VSTM5: variants seen among roughly 807,000 people sequenced by gnomAD.
VSTM5 encodes the protein V-set and transmembrane domain-containing protein 5.
In VSTM5, 21 loss-of-function variants were observed where a neutral mutation model predicts 20.3. The observed-to-expected ratio is 1.03, with a 90% confidence interval of 0.73 to 1.49. VSTM5 has a LOEUF of 1.49. Among genes scored for constraint, VSTM5 ranks in the 40% most tolerant of loss-of-function variants. The pLI is 0.00. For missense variants in VSTM5, 219 were observed against 250.0 expected, an observed-to-expected ratio of 0.88 and a Z score of 0.84; for synonymous variants, 100 against 102.5, an observed-to-expected ratio of 0.98 and a Z score of 0.14.
At chr11:93,850,331 GCTGCTAGACCCCGGGGCC>G (rs1944448736) in intron 1 of VSTM5, 63 bp downstream of exon 1, 1 of 1,278,542 alleles carries the variant, frequency 7.8e-7, no homozygotes, top group African/African-American at 1.6e-5. Flanking sequence ...CAGGGGGGCC[GCTGCTAGACCCCGGGGCC>G]CCGCCCGTGC....
chr11:93,831,058 AGTTTTTT>A (rs1415119469), intron 1 of VSTM5, among the ~76,000 whole-genome samples: 2 of 151,518 alleles, frequency 1.3e-5, no homozygotes, highest in African/African-American at 2.4e-5. Context: ...CACGCCTGGT[AGTTTTTT>A]GTTTTTTGTT....
chr11:93,845,966 G>A (rs2135740703), intron 1 of VSTM5, among the ~76,000 whole-genome samples: 1 of 152,318 alleles, frequency 6.6e-6, no homozygotes, highest in African/African-American at 2.4e-5. Context: ...CATTCTCTTT[G>A]GAATAACTCA....
At position 93,821,012 on chromosome 11, in the gene VSTM5, C is replaced by A. The variant is rs368987142; in HGVS notation, c.403G>T (p.Val135Leu). The A allele has an allele frequency of 1.3e-6, 2 of 1,551,498 alleles. No homozygotes were observed. Among genetic ancestry groups the A allele is most frequent in the Non-Finnish European group, 1.7e-6 (2 of 1,146,986 alleles). ...GATGTCTTACCAGAGACGTGCAGCA[C>A]GATGGTGCCAAACTGGCTGCTCCCC... ...RLGSSQFGTIVLHVSEILYED... is the reference protein window; with the variant it reads ...RLGSSQFGTILLHVSEILYED... Residue 135 changes from valine (V) to leucine (L), a missense_variant, in exon 2 of 4, where the codon GTG becomes TTG. By Grantham distance (32) the Val-to-Leu change is conservative. Transcript: ENST00000409977.
chr11:93,843,088 C>CT (rs1366867873), intron 1 of VSTM5, among the ~76,000 whole-genome samples: 2 of 148,770 alleles, frequency 1.3e-5, no homozygotes, highest in Non-Finnish European at 1.5e-5. Context: ...GACACTCTGT[C>CT]TAAAAAAAAA....
chr11:93,842,771 C>T (rs552940319), intron 1 of VSTM5, among the ~76,000 whole-genome samples: 1 of 152,260 alleles, frequency 6.6e-6, no homozygotes, highest in East Asian at 1.9e-4. Flanking sequence ...TTATAGGATG[C>T]CTGAAGGTAC....
intron 1 of VSTM5, among the ~76,000 whole-genome samples, chr11:93,837,426 A>G (rs949998568): frequency 2.5e-4 from 38 of 152,136 alleles, no homozygotes; most frequent in African/African-American, 6.8e-4. Flanking sequence ...TCATGCACAC[A>G]CAGCCCAGTT....
Position 93,820,983 on chromosome 11 carries a change from C to T in VSTM5, c.418+14G>A, listed in dbSNP as rs541198882. 387 of 1,551,052 alleles carry T rather than the reference C, an allele frequency of 2.5e-4. 1 individual carries two copies. The highest frequency in any genetic ancestry group is 4.5e-4 in the Admixed American group (23 of 50,970). On this transcript the variant is annotated intron_variant, in intron 2 of 3. Transcript: ENST00000409977. Reference sequence around the variant, plus strand: ...ACAGTTCAGAGGGGTGCCCGGGGCCCTGGGATGTCTTACCAGAGACGTGCA... The same window carrying T: ...ACAGTTCAGAGGGGTGCCCGGGGCCTTGGGATGTCTTACCAGAGACGTGCA...
intron 1 of VSTM5, among the ~76,000 whole-genome samples, chr11:93,824,681 C>A (rs1337782766): frequency 2.0e-5 from 3 of 152,110 alleles, no homozygotes; most frequent in Non-Finnish European, 2.9e-5. Flanking sequence ...GATGTTGTCC[C>A]ACTTACTCAT....
chr11:93,847,526 G>C (rs572759050), intron 1 of VSTM5, among the ~76,000 whole-genome samples: 8 of 152,340 alleles, frequency 5.3e-5, no homozygotes, highest in African/African-American at 9.6e-5. Flanking sequence ...GTGTGTGTTG[G>C]GGGAGCTGAC....
At chr11:93,831,116 G>T (rs1944280092) in intron 1 of VSTM5, among the ~76,000 whole-genome samples, 1 of 151,920 alleles carries the variant, frequency 6.6e-6, no homozygotes, top group African/African-American at 2.4e-5. Flanking sequence ...CTAGAGTACA[G>T]TGGCGCAATC....
At chr11:93,820,717 G>T (rs1386916596) in intron 3 of VSTM5, 26 bp downstream of exon 3, 8 of 1,551,650 alleles carry the variant, frequency 5.2e-6, no homozygotes, top group Non-Finnish European at 6.1e-6. Flanking sequence ...ACCACTCATG[G>T]ATTATCACAA....
intron 1 of VSTM5, among the ~76,000 whole-genome samples, chr11:93,837,052 G>A (rs1016660395): frequency 1.5e-5 from 2 of 135,602 alleles, no homozygotes; most frequent in South Asian, 2.3e-4. Flanking sequence ...TATATTTTGA[G>A]ATGGAGTCTT....
intron 1 of VSTM5, among the ~76,000 whole-genome samples, chr11:93,838,246 G>A (rs1944339690): frequency 6.6e-6 from 1 of 152,120 alleles, no homozygotes; most frequent in Non-Finnish European, 1.5e-5. Context: ...CCTAAGGCGG[G>A]TGGATCACTT....
chr11:93,833,488 G>A (rs34052334), intron 1 of VSTM5, among the ~76,000 whole-genome samples: 1,744 of 152,298 alleles, frequency 0.011, 36 homozygotes, highest in African/African-American at 0.04. Flanking sequence ...CTGAGGGTGG[G>A]AGGATAGCTT....
intron 1 of VSTM5, among the ~76,000 whole-genome samples, chr11:93,838,318 C>T (rs925662456): frequency 6.6e-6 from 1 of 151,728 alleles, no homozygotes; most frequent in Admixed American, 6.6e-5. Flanking sequence ...ATTAAAAATA[C>T]AAAAATCAGC....
intron 1 of VSTM5, among the ~76,000 whole-genome samples, chr11:93,824,252 T>A (rs1335918285): frequency 6.6e-6 from 1 of 152,200 alleles, no homozygotes; most frequent in Non-Finnish European, 1.5e-5. Flanking sequence ...CATACTTTTT[T>A]CATAATAGCT....
chr11:93,825,047 AT>A (rs1196490092), intron 1 of VSTM5, among the ~76,000 whole-genome samples: 1 of 152,200 alleles, frequency 6.6e-6, no homozygotes, highest in African/African-American at 2.4e-5. Flanking sequence ...GTGCCATACC[AT>A]TTCAATTTAC....
Position 93,850,419 on chromosome 11 carries a change from A to G in VSTM5, c.84T>C (p.Cys28=). ...GCGTCCCCCGGAGCTTACTCTGCAGACAGCGGGCTGCGGCCAGGCAGAGGG... is the reference window on the plus strand; with the variant it reads ...GCGTCCCCCGGAGCTTACTCTGCAGGCAGCGGGCTGCGGCCAGGCAGAGGG... ...LFALCLAAAR[C]LQSQGVSLYI... Residue 28 remains cysteine (C), a synonymous_variant, in exon 1 of 4, where the codon TGT becomes TGC. Coordinates refer to ENST00000409977, the MANE Select transcript of VSTM5 (RefSeq NM_001144871.2). 1 of 1,548,684 alleles carries G rather than the reference A, an allele frequency of 6.5e-7. No individual in the cohort carries two copies. Among genetic ancestry groups the G allele is most frequent in the Non-Finnish European group, 8.7e-7 (1 of 1,145,978 alleles).
chr11:93,835,327 G>T (rs113732279), intron 1 of VSTM5, among the ~76,000 whole-genome samples: 1 of 152,082 alleles, frequency 6.6e-6, no homozygotes, highest in Non-Finnish European at 1.5e-5. Context: ...GGAGACTGAG[G>T]GGGGAAGATC....
Sources: allele counts gnomAD v4.1 joint callset (sites outside exome capture counted in the v4.1 genomes callset), GRCh38; gene constraint gnomAD v4.1.1; transcripts MANE v1.5; gene names NCBI Gene and HGNC (gene_info 2026-07-23, HGNC 2026-07-21).